SPINK13: variants seen among roughly 807,000 people sequenced by gnomAD.
SPINK13 encodes serine peptidase inhibitor Kazal type 13.
A neutral mutation model predicts 11.0 loss-of-function variants in SPINK13; 11 were observed. That is an observed-to-expected ratio of 1.00 (90% CI 0.63 to 1.65). SPINK13 has a LOEUF of 1.65. Ranked by LOEUF, SPINK13 falls within the 40% of genes most tolerant of loss-of-function variation. SPINK13 has a pLI of 0.00. For synonymous variants in SPINK13, 31 were observed against 35.6 expected (o/e 0.87, Z 0.46); for missense variants, 113 against 117.7 (o/e 0.96, Z 0.19).
At chr5:148,271,628 C>T (rs1422106300) in intron 2 of SPINK13, among the ~76,000 whole-genome samples, 1 of 151,806 alleles carries the variant, frequency 6.6e-6, no homozygotes, top group Non-Finnish European at 1.5e-5. Flanking sequence ...TATAACTTGT[C>T]ATAAAGGACT....
chr5:148,282,800 A>G (rs1756538010), intron 4 of SPINK13, among the ~76,000 whole-genome samples: 1 of 152,232 alleles, frequency 6.6e-6, no homozygotes, highest in African/African-American at 2.4e-5. Flanking sequence ...AGACTAAAGA[A>G]TTAATAATAT....
chr5:148,275,595 C>G (rs1756413341), intron 3 of SPINK13, among the ~76,000 whole-genome samples: 1 of 152,130 alleles, frequency 6.6e-6, no homozygotes, highest in South Asian at 2.1e-4. Context: ...ATTTACACTC[C>G]CACCAACAGT....
chr5:148,274,346 G>A lies in SPINK13; in HGVS notation c.71-1G>A, dbSNP rs759879930. 6.2e-7 allele frequency: 1 copy of A among 1,610,966 alleles called. No homozygotes were observed. Among genetic ancestry groups the A allele is most frequent in the South Asian group, 1.1e-5 (1 of 90,902 alleles). On this transcript the variant is annotated splice_acceptor_variant, in intron 2 of 4. Transcript: ENST00000398450. LOFTEE classifies it high-confidence loss of function. ...TTACTGTGTTTATTCTTTATTAGCAGGAATTTTCAATAAACGTGACTTCAC... is the reference window on the plus strand; with the variant it reads ...TTACTGTGTTTATTCTTTATTAGCAAGAATTTTCAATAAACGTGACTTCAC...
chr5:148,277,911 T>C, intron 3 of SPINK13, among the ~76,000 whole-genome samples: 1 of 152,230 alleles, frequency 6.6e-6, no homozygotes, highest in Admixed American at 6.5e-5. Context: ...CCTGGGCTTT[T>C]TTTGGTTGGT....
intron 4 of SPINK13, 110 bp downstream of exon 4, chr5:148,282,341 A>T (rs954778653): frequency 1.3e-5 from 18 of 1,341,482 alleles, no homozygotes; most frequent in Middle Eastern, 1.9e-4. Flanking sequence ...TTTTTAAAAA[A>T]ATAGCCTCAT....
At chr5:148,283,069 G>C (rs1756541248) in intron 4 of SPINK13, among the ~76,000 whole-genome samples, 2 of 152,112 alleles carry the variant, frequency 1.3e-5, no homozygotes, top group South Asian at 4.2e-4. Flanking sequence ...CGAGAGAGCA[G>C]GCACAAGTTT....
At position 148,286,208 on chromosome 5, in the gene SPINK13, C is replaced by T. The variant is rs1203261415; in HGVS notation, c.*160C>T. ...AATGAAGGAATCAAACTGACAAGAA[C>T]CAAATATCACATTTGTTACAAATAA... is the stretch of plus-strand genomic sequence containing the variant. On this transcript the variant is annotated 3_prime_UTR_variant, in exon 5 of 5. Coordinates refer to ENST00000398450, the MANE Select transcript of SPINK13 (RefSeq NM_001040129.3). 1 of 393,648 alleles carries T rather than the reference C, an allele frequency of 2.5e-6. No homozygotes were observed. Among genetic ancestry groups the T allele is most frequent in the Non-Finnish European group, 4.6e-6 (1 of 216,892 alleles). The allele number at this position is 393,648 out of a possible 1,614,324, so 24.4% of individuals were successfully genotyped here. A position where few individuals can be genotyped will look rare whatever the true frequency, so the allele number is the denominator to read the frequency against.
At chr5:148,275,112 C>T (rs1202379390) in intron 3 of SPINK13, among the ~76,000 whole-genome samples, 1 of 152,094 alleles carries the variant, frequency 6.6e-6, no homozygotes, top group Non-Finnish European at 1.5e-5. Flanking sequence ...TTAGGTATTT[C>T]TCCTAATGCT....
chr5:148,270,765 T>C (rs1434836452), intron 2 of SPINK13: 2 of 152,240 alleles, frequency 1.3e-5, no homozygotes, highest in African/African-American at 2.4e-5. Context: ...ACTATTCAGG[T>C]GGAACAATAT....
chr5:148,273,953 A>C (rs1056183414), intron 2 of SPINK13, among the ~76,000 whole-genome samples: 2 of 152,218 alleles, frequency 1.3e-5, no homozygotes, highest in Non-Finnish European at 2.9e-5. Context: ...TCTTGGTAGG[A>C]ACTGGCCTGA....
chr5:148,272,271 T>C (rs188854802), intron 2 of SPINK13, among the ~76,000 whole-genome samples: 6 of 152,312 alleles, frequency 3.9e-5, no homozygotes, highest in Non-Finnish European at 7.3e-5. Context: ...TATGCTACAA[T>C]GTGTGTGAAT....
intron 3 of SPINK13, among the ~76,000 whole-genome samples, chr5:148,279,091 C>CTTTTTTTTTTTTTTTTTTTT (rs746029113): frequency 3.9e-5 from 2 of 51,656 alleles, no homozygotes; most frequent in Admixed American, 2.2e-4. Flanking sequence ...GCAACCCCTG[C>CTTTTTTTTTTTTTTTTTTTT]TTTTTTTTTT....
At chr5:148,278,211 A>T (rs907372518) in intron 3 of SPINK13, among the ~76,000 whole-genome samples, 2 of 152,058 alleles carry the variant, frequency 1.3e-5, no homozygotes, top group Non-Finnish European at 2.9e-5. Context: ...TAATCTTTTC[A>T]AAAAACCAGC....
intron 4 of SPINK13, among the ~76,000 whole-genome samples, chr5:148,284,736 A>T (rs1248449920): frequency 6.6e-6 from 1 of 152,176 alleles, no homozygotes; most frequent in Non-Finnish European, 1.5e-5. Flanking sequence ...AATTGGACTC[A>T]CTGCTCTCAG....
At chr5:148,285,779 A>T (rs1259531074) in intron 4 of SPINK13, among the ~76,000 whole-genome samples, 5 of 152,152 alleles carry the variant, frequency 3.3e-5, no homozygotes, top group African/African-American at 4.8e-5. Flanking sequence ...ACTCTACATA[A>T]AAAATGTCAT....
rs755755669 is a variant in SPINK13 at position 148,282,232 on chromosome 5, G to T, written c.236+1G>T. 3 of 1,614,042 alleles carry T rather than the reference G, an allele frequency of 1.9e-6. No individual in the cohort carries two copies. In the Admixed American group the frequency reaches 5.0e-5, roughly 27 times the overall value. ...AGTGTTTCTTTTGTGTTGAACAGAG[G>T]TAAGTTCAGAATAAAATGCCATTAT... On this transcript the variant is annotated splice_donor_variant, in intron 4 of 4. Coordinates refer to ENST00000398450, the MANE Select transcript of SPINK13 (RefSeq NM_001040129.3). LOFTEE classifies it high-confidence loss of function.
chr5:148,272,234 T>TG (rs1439600399), intron 2 of SPINK13, among the ~76,000 whole-genome samples: 3 of 152,212 alleles, frequency 2.0e-5, no homozygotes, highest in Non-Finnish European at 4.4e-5. Context: ...GGTATATATC[T>TG]GGAGTATATA....
chr5:148,280,454 T>A (rs1000494825), intron 3 of SPINK13, among the ~76,000 whole-genome samples: 2 of 152,194 alleles, frequency 1.3e-5, no homozygotes, highest in East Asian at 3.9e-4. Context: ...GTTGGAGACC[T>A]TCAGATCGAG....
chr5:148,275,706 G>T (rs1280267080), intron 3 of SPINK13, among the ~76,000 whole-genome samples: 1 of 151,224 alleles, frequency 6.6e-6, no homozygotes, highest in Admixed American at 6.6e-5. Flanking sequence ...TGTCACCCAG[G>T]CTGGAGTGCA....
Sources: allele counts gnomAD v4.1 joint callset (sites outside exome capture counted in the v4.1 genomes callset), GRCh38; gene constraint gnomAD v4.1.1; transcripts MANE v1.5; gene names NCBI Gene and HGNC (gene_info 2026-07-23, HGNC 2026-07-21).